The following PPFIA2 variants were observed in gnomAD, a reference collection of about 807,000 sequenced individuals.
PPFIA2 encodes the protein liprin-alpha-2.
Under a neutral mutation model 175.5 loss-of-function variants are expected in PPFIA2, and 46 were observed. The ratio of observed to expected loss-of-function variants is 0.26; its 90% CI spans 0.21 to 0.34. PPFIA2 has a LOEUF of 0.34. Among genes scored for constraint, PPFIA2 ranks in the 10% least tolerant of loss-of-function variants. The probability of loss-of-function intolerance (pLI) is 1.00; values close to 1 mark genes in which losing one functional copy is unlikely to be tolerated. For missense variants in PPFIA2, 1,179 were observed against 1,506.1 expected (o/e 0.78, Z 3.60); for synonymous variants, 568 against 511.4 (o/e 1.11, Z -1.49).
At chr12:81,372,941 GAT>G (rs1555328510) in intron 11 of PPFIA2, among the ~76,000 whole-genome samples, 2 of 151,008 alleles carry the variant, frequency 1.3e-5, no homozygotes, top group Admixed American at 1.3e-4. Flanking sequence ...TTGTGCCCAA[GAT>G]ATATATATAT....
chr12:81,381,429 G>C (rs537754624), intron 9 of PPFIA2, among the ~76,000 whole-genome samples: 1 of 152,124 alleles, frequency 6.6e-6, no homozygotes, highest in South Asian at 2.1e-4. Flanking sequence ...TAGAAAATGG[G>C]GATTGAATGT....
intron 4 of PPFIA2, among the ~76,000 whole-genome samples, chr12:81,665,566 G>A (rs1390343777): frequency 6.6e-6 from 1 of 152,000 alleles, no homozygotes; most frequent in Non-Finnish European, 1.5e-5. Context: ...AGATGCTTAA[G>A]TAGTTCTATA....
At chr12:81,755,493 T>C (rs963368649) in intron 2 of PPFIA2, among the ~76,000 whole-genome samples, 2 of 152,156 alleles carry the variant, frequency 1.3e-5, no homozygotes, top group African/African-American at 4.8e-5. Flanking sequence ...TTGGGGAAAA[T>C]ATTTCTGGTG....
At chr12:81,297,123 A>ACT (rs2046654632) in intron 23 of PPFIA2, among the ~76,000 whole-genome samples, 1 of 152,146 alleles carries the variant, frequency 6.6e-6, no homozygotes, top group Non-Finnish European at 1.5e-5. Flanking sequence ...GCCAGCAGGA[A>ACT]ACTGAATCAT....
intron 28 of PPFIA2, among the ~76,000 whole-genome samples, chr12:81,274,462 TAA>T (rs1258815525): frequency 3.0e-4 from 46 of 152,112 alleles, no homozygotes; most frequent in Admixed American, 3.0e-3. Flanking sequence ...GTTTATGAGG[TAA>T]AGACAAATAA....
intron 9 of PPFIA2, chr12:81,378,039 G>C (rs375182249): frequency 7.9e-5 from 12 of 152,398 alleles, no homozygotes; most frequent in African/African-American, 2.9e-4. Context: ...GAGGAAGTCA[G>C]TCAGAGAATT....
At chr12:81,561,615 A>G (rs892520423) in intron 4 of PPFIA2, among the ~76,000 whole-genome samples, 21 of 152,198 alleles carry the variant, frequency 1.4e-4, no homozygotes, top group African/African-American at 4.6e-4. Context: ...TCTCTGATAA[A>G]TAAATTTTAT....
chr12:81,347,102 TTTTTCTTTTTCTCTTTTTC>T (rs982467566), intron 18 of PPFIA2, among the ~76,000 whole-genome samples: 28 of 141,010 alleles, frequency 2.0e-4, no homozygotes, highest in African/African-American at 8.1e-4. Context: ...CCAGCTAATT[TTTTTCTTTTTCTCTTTTTC>T]TTTTCTTTTT....
chr12:81,652,389 T>C (rs1567724890), intron 4 of PPFIA2, among the ~76,000 whole-genome samples: 1 of 150,966 alleles, frequency 6.6e-6, no homozygotes, highest in Non-Finnish European at 1.5e-5. Context: ...TCTTACATAG[T>C]AAAAAAAACA....
intron 22 of PPFIA2, among the ~76,000 whole-genome samples, chr12:81,304,116 T>C (rs1276166065): frequency 1.3e-5 from 2 of 152,202 alleles, no homozygotes; most frequent in African/African-American, 2.4e-5. Flanking sequence ...TTCCTTTCTA[T>C]ATCCATCCTT....
At chr12:81,286,580 A>T (rs1226235522) in intron 24 of PPFIA2, among the ~76,000 whole-genome samples, 1 of 152,010 alleles carries the variant, frequency 6.6e-6, no homozygotes, top group Non-Finnish European at 1.5e-5. Flanking sequence ...AGTAGTCTAT[A>T]CCATTTAGGT....
intron 30 of PPFIA2, among the ~76,000 whole-genome samples, chr12:81,266,349 T>C (rs888520141): frequency 2.0e-5 from 3 of 152,196 alleles, no homozygotes; most frequent in Admixed American, 6.5e-5. Context: ...CTTGTATTCA[T>C]TCATCTCGGG....
chr12:81,373,059 G>GT (rs757390842), intron 11 of PPFIA2, among the ~76,000 whole-genome samples: 1 of 151,568 alleles, frequency 6.6e-6, no homozygotes, highest in Non-Finnish European at 1.5e-5. Flanking sequence ...TTAATATAGT[G>GT]TTTTTTATGT....
intron 8 of PPFIA2, among the ~76,000 whole-genome samples, chr12:81,399,967 G>A (rs939353290): frequency 5.9e-5 from 9 of 152,064 alleles, no homozygotes; most frequent in South Asian, 2.1e-4. Context: ...GTTGTTGGCC[G>A]TAGTTAACAT....
intron 23 of PPFIA2, among the ~76,000 whole-genome samples, chr12:81,296,073 AGAT>A (rs1412869573): frequency 6.6e-6 from 1 of 152,152 alleles, no homozygotes; most frequent in African/African-American, 2.4e-5. Flanking sequence ...TGGGAGGCTG[AGAT>A]GACTGGATTG....
At position 81,666,880 on chromosome 12, in the gene PPFIA2, T is replaced by C. The variant is rs1447729396; in HGVS notation, c.303+9911A>G. Among the ~76,000 whole-genome samples the C allele has an allele frequency of 2.0e-5, 3 of 151,880 alleles. No individual in the cohort carries two copies. The East Asian group carries it at 5.8e-4, about 29-fold the overall frequency. On this transcript the variant is annotated intron_variant, in intron 4 of 32. Transcript: ENST00000549396. ...TCAAATTGAGGCTGACTTTCCAGAG[T>C]CCACACTCTACACCACTACATCTTA...
At chr12:81,610,338 C>T (rs1166253658) in intron 4 of PPFIA2, among the ~76,000 whole-genome samples, 1 of 152,132 alleles carries the variant, frequency 6.6e-6, no homozygotes, top group East Asian at 1.9e-4. Context: ...AATATATTTT[C>T]CAAATTGTTT....
At chr12:81,448,609 C>T (rs979017718) in intron 5 of PPFIA2, among the ~76,000 whole-genome samples, 42 of 152,276 alleles carry the variant, frequency 2.8e-4, no homozygotes, top group African/African-American at 9.9e-4. Flanking sequence ...TCTTCTTGCT[C>T]ATTCTGGTAT....
rs1282112642 is a variant in PPFIA2 at position 81,697,513 on chromosome 12, T to TA, written c.250-20670dup. On this transcript the variant is annotated intron_variant, in intron 3 of 32. Coordinates refer to ENST00000549396, the MANE Select transcript of PPFIA2 (RefSeq NM_003625.5). Reference sequence around the variant, plus strand: ...TTAAAGTTTTATAAGCCACTTCAGCTAAAAAATCTATACAGGAATATGTCA... The same window carrying TA: ...TTAAAGTTTTATAAGCCACTTCAGCTAAAAAAATCTATACAGGAATATGTCA... 2.6e-5 allele frequency among the ~76,000 whole-genome samples: 4 copies of TA among 152,100 alleles called. 1 individual carries two copies. Among genetic ancestry groups the TA allele is most frequent in the African/African-American group, 7.2e-5 (3 of 41,406 alleles).
Sources: allele counts gnomAD v4.1 joint callset (sites outside exome capture counted in the v4.1 genomes callset), GRCh38; gene constraint gnomAD v4.1.1; transcripts MANE v1.5; gene names NCBI Gene and HGNC (gene_info 2026-07-23, HGNC 2026-07-21).